The following APCDD1 variants were observed in gnomAD, a reference collection of about 807,000 sequenced individuals.
The protein encoded by APCDD1 is APC down-regulated 1, also known as protein APCDD1.
Under a neutral mutation model 38.1 loss-of-function variants are expected in APCDD1, and 15 were observed. The observed-to-expected ratio is 0.39, with a 90% confidence interval of 0.26 to 0.61. APCDD1 has a LOEUF of 0.61. Among genes scored for constraint, APCDD1 ranks in the 20% least tolerant of loss-of-function variants. The pLI, the probability that APCDD1 is intolerant of heterozygous loss-of-function variation, is 0.49. For missense variants in APCDD1, 647 were observed against 696.2 expected (o/e 0.93, Z 0.79); for synonymous variants, 261 against 279.7 (o/e 0.93, Z 0.67).
chr18:10,464,920 T>G (rs2030669666), intron 1 of APCDD1, among the ~76,000 whole-genome samples: 1 of 152,144 alleles, frequency 6.6e-6, no homozygotes, highest in Admixed American at 6.5e-5. Flanking sequence ...AACTGTTCTG[T>G]TAGTTAGAGG....
At position 10,468,519 on chromosome 18, in the gene APCDD1, A is replaced by G. The variant is rs2030771121; in HGVS notation, c.109A>G (p.Arg37Gly). ...TCATCCAGACAGCAGGTCTCATCCT[A>G]GGTCCTTAGAGAAAAGTGCCTGGAG... ...LLHPDSRSHP[R>G]SLEKSAWRAF... The change falls in exon 2 of 5, where the codon AGG (arginine) becomes GGG (glycine). Residue 37 changes from arginine (R) to glycine (G), a missense_variant. By Grantham distance (125) the Arg-to-Gly change is moderately radical (BLOSUM62 -2). Transcript: ENST00000355285. 3.1e-6 allele frequency: 5 copies of G among 1,614,172 alleles called. No individual in the cohort carries two copies. The highest frequency in any genetic ancestry group is 4.2e-6 in the Non-Finnish European group (5 of 1,180,034).
At position 10,472,081 on chromosome 18, in the gene APCDD1, TC is replaced by T. The variant is rs2030874930; in HGVS notation, c.774+21del. ...GCCAAGGTACCTCAGAGCTCTGTGT[TC>T]TCCTCTTTATTGAGTAAAGTGGGTG... On this transcript the variant is annotated intron_variant, in intron 3 of 4. Coordinates refer to ENST00000355285, the MANE Select transcript of APCDD1 (RefSeq NM_153000.5). This position sits in a 1 kb window ranked among gnomAD's most constrained non-coding sequence, Gnocchi z 6.6. 6.2e-7 allele frequency: 1 copy of T among 1,612,754 alleles called. No homozygotes were observed. The highest frequency in any genetic ancestry group is 8.5e-7 in the Non-Finnish European group (1 of 1,179,984).
chr18:10,462,591 CTCCTTCCTTCCTTCCT>C (rs565458903), intron 1 of APCDD1, among the ~76,000 whole-genome samples: 112 of 23,184 alleles, frequency 4.8e-3, no homozygotes, highest in African/African-American at 0.03. Context: ...CCTTCCCTCC[CTCCTTCCTTCCTTCCT>C]TCCTTCCTTC....
At chr18:10,458,678 T>C (rs147172437) in intron 1 of APCDD1, among the ~76,000 whole-genome samples, 165 of 152,348 alleles carry the variant, frequency 1.1e-3, no homozygotes, top group Non-Finnish European at 1.9e-3. Flanking sequence ...GGGTGATATG[T>C]CTGTGTAATT....
intron 1 of APCDD1, among the ~76,000 whole-genome samples, chr18:10,460,194 A>G (rs772425144): frequency 6.6e-6 from 1 of 152,232 alleles, no homozygotes; most frequent in Non-Finnish European, 1.5e-5. Context: ...ACCGTGGAAT[A>G]TATTCATCTA....
In APCDD1 at chr18:10,485,426, T is replaced by TA. The variant is rs1171001631; in HGVS notation, c.775-35dup. On this transcript the variant is annotated intron_variant, in intron 3 of 4. Transcript: ENST00000355285. The surrounding 1 kb of genome is among the most constrained non-coding windows in gnomAD (Gnocchi z 5.8). ...TGTGTGCACTGCTCCCTTGGGAAGA[T>TA]AGAGGCCTCTGAATGTGTTTGTTTC... 3 of 1,611,118 alleles carry TA rather than the reference T, an allele frequency of 1.9e-6. No homozygotes were observed. Among genetic ancestry groups the TA allele is most frequent in the Non-Finnish European group, 2.5e-6 (3 of 1,179,234 alleles).
intron 3 of APCDD1, among the ~76,000 whole-genome samples, chr18:10,482,462 C>T (rs953931428): frequency 9.8e-5 from 15 of 152,288 alleles, no homozygotes; most frequent in African/African-American, 3.1e-4. Context: ...TCCTGGCTGA[C>T]GGGAAGATCT....
At position 10,488,955 on chromosome 18, in the gene APCDD1, T is replaced by G. The variant is rs2031313223; in HGVS notation, c.*917T>G. On this transcript the variant is annotated 3_prime_UTR_variant, in exon 5 of 5. Transcript: ENST00000355285. ...ACCTGAGCCCTGACTCACTGTCTTA[T>G]TAGGGGCAGGCGGAAGAAGCTGCAC... is the stretch of plus-strand genomic sequence containing the variant. 6.6e-6 allele frequency: 1 copy of G among 152,250 alleles called. No individual in the cohort carries two copies. Among genetic ancestry groups the G allele is most frequent in the African/African-American group, 2.4e-5 (1 of 41,458 alleles). The allele number at this position is 152,250 out of a possible 1,614,324, so 9.4% of individuals were successfully genotyped here.
Position 10,467,491 on chromosome 18 carries a change from G to A in APCDD1, c.59-978G>A, listed in dbSNP as rs1314249670. Among the ~76,000 whole-genome samples, 1 of 152,184 alleles carries A rather than the reference G, an allele frequency of 6.6e-6. No individual in the cohort carries two copies. The highest frequency in any genetic ancestry group is 2.4e-5 in the African/African-American group (1 of 41,436). On this transcript the variant is annotated intron_variant, in intron 1 of 4. Coordinates refer to ENST00000355285, the MANE Select transcript of APCDD1 (RefSeq NM_153000.5). This position sits in a 1 kb window ranked among gnomAD's most constrained non-coding sequence, Gnocchi z 4.8. ...GGAGTGAATATCAGAGGAGACCGTG[G>A]CTTTCAGATAATAATTCCACCAGTT...
chr18:10,466,994 A>G (rs574382291), intron 1 of APCDD1, among the ~76,000 whole-genome samples: 1 of 152,236 alleles, frequency 6.6e-6, no homozygotes, highest in African/African-American at 2.4e-5. Context: ...CTGTCTTTCC[A>G]TCTCAAAGCC....
intron 3 of APCDD1, among the ~76,000 whole-genome samples, chr18:10,479,893 C>T (rs2031095483): frequency 6.6e-6 from 1 of 152,168 alleles, no homozygotes; most frequent in Non-Finnish European, 1.5e-5. Flanking sequence ...TAGAACATTG[C>T]TCATTTATAA....
At chr18:10,459,309 C>T (rs565856076) in intron 1 of APCDD1, among the ~76,000 whole-genome samples, 6 of 113,600 alleles carry the variant, frequency 5.3e-5, no homozygotes, top group African/African-American at 2.4e-4. Flanking sequence ...GGGAATCCCA[C>T]AAGCGTGCAC....
At chr18:10,462,961 A>AT (rs1414305185) in intron 1 of APCDD1, among the ~76,000 whole-genome samples, 2 of 152,088 alleles carry the variant, frequency 1.3e-5, no homozygotes, top group Admixed American at 1.3e-4. Flanking sequence ...AATTCTTACC[A>AT]TACCACGACA....
rs921394037 is a variant in APCDD1, at chr18:10,469,532, C to T, written c.242+880C>T. Among the ~76,000 whole-genome samples, 1 of 152,100 alleles carries T rather than the reference C, an allele frequency of 6.6e-6. No homozygotes were observed. Among genetic ancestry groups the T allele is most frequent in the Non-Finnish European group, 1.5e-5 (1 of 68,024 alleles). Reference sequence around the variant, plus strand: ...TATTGAGTGCCTACCATATGCCAAACACTATTTTAAGTTTTGTTTATATAG... The same window carrying T: ...TATTGAGTGCCTACCATATGCCAAATACTATTTTAAGTTTTGTTTATATAG... On this transcript the variant is annotated intron_variant, in intron 2 of 4. Coordinates refer to ENST00000355285, the MANE Select transcript of APCDD1 (RefSeq NM_153000.5). This position sits in a 1 kb window ranked among gnomAD's most constrained non-coding sequence, Gnocchi z 5.5.
rs752966186 is a variant in APCDD1, at chr18:10,489,366, A to G, written c.*1328A>G. On this transcript the variant is annotated 3_prime_UTR_variant, in exon 5 of 5. Coordinates refer to ENST00000355285, the MANE Select transcript of APCDD1 (RefSeq NM_153000.5). Reference sequence around the variant, plus strand: ...AAAGCCAGATGGAACGAAAGCAAACATGGAAACCATGATCACGGCAAAGAG... The same window carrying G: ...AAAGCCAGATGGAACGAAAGCAAACGTGGAAACCATGATCACGGCAAAGAG... The G allele has an allele frequency of 6.6e-6, 1 of 152,258 alleles. No homozygotes were observed. Among genetic ancestry groups the G allele is most frequent in the Middle Eastern group, 3.2e-3 (1 of 316 alleles). 9.4% of individuals were successfully genotyped at this position (152,258 alleles called of 1,614,324 possible).
chr18:10,459,955 C>G (rs1382583911), intron 1 of APCDD1, among the ~76,000 whole-genome samples: 1 of 152,160 alleles, frequency 6.6e-6, no homozygotes, highest in East Asian at 1.9e-4. Context: ...TCATTTTAAG[C>G]TCTCCATAAT....
Position 10,487,762 on chromosome 18 carries a change from G to T in APCDD1, c.1269G>T (p.Glu423Asp). The change falls in exon 5 of 5, where the codon GAG becomes GAT. Residue 423 changes from glutamate to aspartate, a missense_variant. Transcript: ENST00000355285. ...TCAAACTACCTCACACGGAGTACGA[G>T]ATCTTCAAAATGGAACAGGATGCCC... ...LGIKLPHTEY[E>D]IFKMEQDARG... The T allele has an allele frequency of 6.2e-7, 1 of 1,614,210 alleles. No individual in the cohort carries two copies. The highest frequency in any genetic ancestry group is 8.5e-7 in the Non-Finnish European group (1 of 1,180,050).
At position 10,476,253 on chromosome 18, in the gene APCDD1, C is replaced by T. The variant is rs1404523023; in HGVS notation, c.774+4192C>T. On this transcript the variant is annotated intron_variant, in intron 3 of 4. Transcript: ENST00000355285. The surrounding 1 kb of genome is among the most constrained non-coding windows in gnomAD (Gnocchi z 5.8). ...CTCAGCCCCTCTAGAAACAGGACAC[C>T]GTGTAAAAATAGAAACTTTAAGTCA... 1.3e-5 allele frequency: 2 copies of T among 152,186 alleles called. No homozygotes were observed. The highest frequency in any genetic ancestry group is 2.4e-5 in the African/African-American group (1 of 41,428). 9.4% of individuals were successfully genotyped at this position (152,186 alleles called of 1,614,324 possible). A position where few individuals can be genotyped will look rare whatever the true frequency, so the allele number is the denominator to read the frequency against.
intron 3 of APCDD1, among the ~76,000 whole-genome samples, chr18:10,480,707 C>CA (rs11438185): frequency 0.47 from 69,997 of 149,788 alleles, 16,349 homozygotes; most frequent in East Asian, 0.57. Context: ...ACAAAAAATA[C>CA]AAAAAAAAAA....
Sources: gnomAD v4.1 joint callset for allele counts (sites outside exome capture counted in the v4.1 genomes callset) on GRCh38, gnomAD v4.1.1 for gene constraint, Gnocchi (gnomAD v3.1) non-coding constraint, MANE v1.5 for transcripts, NCBI Gene and HGNC (gene_info 2026-07-23, HGNC 2026-07-21) for gene names.